The following KCNK9 variants were observed in gnomAD, a reference collection of about 807,000 sequenced individuals.
The protein encoded by KCNK9 is potassium channel subfamily K member 9.
A neutral mutation model predicts 10.8 loss-of-function variants in KCNK9; 1 was observed. The ratio of observed to expected loss-of-function variants is 0.09; its 90% CI spans 0.03 to 0.44. The LOEUF is 0.44. Among genes scored for constraint, KCNK9 ranks in the 20% least tolerant of loss-of-function variants. The pLI is 0.97. For missense variants in KCNK9, 303 were observed against 515.0 expected, an observed-to-expected ratio of 0.59 and a Z score of 3.98; for synonymous variants, 231 against 222.7, an observed-to-expected ratio of 1.04 and a Z score of -0.33.
Position 139,664,520 on chromosome 8 carries a change from C to T in KCNK9, c.283+38190G>A, listed in dbSNP as rs144009835. 8.6e-3 allele frequency among the ~76,000 whole-genome samples: 1,306 copies of T among 152,198 alleles called. 21 individuals carry two copies. The highest frequency in any genetic ancestry group is 0.029 in the African/African-American group (1,200 of 41,518). ...TAAATATGCTCCCCCAAACTCAAGC[C>T]CCCCAACAAACCTAGTTTCACCGAA... On this transcript the variant is annotated intron_variant, in intron 1 of 1. Transcript: ENST00000520439.
At chr8:139,652,541 C>T (rs1815898315) in intron 1 of KCNK9, among the ~76,000 whole-genome samples, 1 of 152,214 alleles carries the variant, frequency 6.6e-6, no homozygotes, top group African/African-American at 2.4e-5. Flanking sequence ...GAGGGGCCTT[C>T]CACCCATGCT....
At chr8:139,622,609 G>T (rs913077797) in intron 1 of KCNK9, among the ~76,000 whole-genome samples, 1 of 152,132 alleles carries the variant, frequency 6.6e-6, no homozygotes, top group Non-Finnish European at 1.5e-5. Context: ...ACCCCTCATT[G>T]CTTCCCCCCA....
chr8:139,609,733 A>C (rs750865213), downstream of KCNK9, among the ~76,000 whole-genome samples: 200 of 152,298 alleles, frequency 1.3e-3, 2 homozygotes, highest in Non-Finnish European at 1.6e-3. Context: ...AAGGATCCAT[A>C]TGTCATTAAA....
chr8:139,629,667 C>T lies in KCNK9; in HGVS notation c.284-10568G>A, dbSNP rs187941583. On this transcript the variant is annotated intron_variant, in intron 1 of 1. Coordinates refer to ENST00000520439, the MANE Select transcript of KCNK9 (RefSeq NM_001282534.2). ...CTCCACAGTTCTGGAGCCTAGAACT[C>T]CACAATGAAAGGGGGGGAAGATGCA... 3.0e-4 allele frequency among the ~76,000 whole-genome samples: 45 copies of T among 152,194 alleles called. 1 individual carries two copies. Among genetic ancestry groups the T allele is most frequent in the Middle Eastern group, 3.4e-3 (1 of 294 alleles).
chr8:139,659,875 T>G (rs117672215), intron 1 of KCNK9, among the ~76,000 whole-genome samples: 1 of 152,120 alleles, frequency 6.6e-6, no homozygotes, highest in East Asian at 1.9e-4. Context: ...TACTGCCTTT[T>G]GTGCAAGAAA....
Position 139,680,972 on chromosome 8 carries a change from C to G in KCNK9, c.283+21738G>C, listed in dbSNP as rs535638161. Among the ~76,000 whole-genome samples, 12 of 152,278 alleles carry G rather than the reference C, an allele frequency of 7.9e-5. No homozygotes were observed. In the South Asian group the frequency reaches 2.5e-3, roughly 32 times the overall value. On this transcript the variant is annotated intron_variant, in intron 1 of 1. Transcript: ENST00000520439. ...CTCCTCCCACAACTTAGAGCTCCAG[C>G]TTTGTAACCGTCTCCTCAAGCACAC... is the stretch of plus-strand genomic sequence containing the variant.
chr8:139,687,461 C>CATATATATGTATACAT (rs1380086135), intron 1 of KCNK9, among the ~76,000 whole-genome samples: 1 of 133,788 alleles, frequency 7.5e-6, no homozygotes, highest in Non-Finnish European at 1.6e-5. Flanking sequence ...CATATATATT[C>CATATATATGTATACAT]ATATATTCAT....
intron 1 of KCNK9, among the ~76,000 whole-genome samples, chr8:139,629,940 C>T (rs1169830895): frequency 3.3e-5 from 5 of 151,932 alleles, no homozygotes; most frequent in Admixed American, 2.6e-4. Context: ...CAGTTCAGTC[C>T]ATAACCCTGA....
chr8:139,671,544 T>C (rs1448691009), intron 1 of KCNK9, among the ~76,000 whole-genome samples: 1 of 147,416 alleles, frequency 6.8e-6, no homozygotes, highest in African/African-American at 2.5e-5. Flanking sequence ...GGAGTCTTGC[T>C]CCGTTGCCCA....
chr8:139,689,494 G>T (rs1299139339), intron 1 of KCNK9, among the ~76,000 whole-genome samples: 1 of 152,178 alleles, frequency 6.6e-6, no homozygotes, highest in African/African-American at 2.4e-5. Flanking sequence ...GCTCATTGTG[G>T]GCAGGATGTA....
At chr8:139,670,904 G>A (rs549215021) in intron 1 of KCNK9, among the ~76,000 whole-genome samples, 14 of 152,268 alleles carry the variant, frequency 9.2e-5, no homozygotes, top group South Asian at 8.3e-4. Context: ...TGACCACCCC[G>A]GAGACATTCT....
chr8:139,642,671 T>C (rs1815539619), intron 1 of KCNK9, among the ~76,000 whole-genome samples: 1 of 152,218 alleles, frequency 6.6e-6, no homozygotes, highest in Non-Finnish European at 1.5e-5. Flanking sequence ...CCACTGCAGC[T>C]TCTCCTGAGA....
intron 2 of KCNK9, among the ~76,000 whole-genome samples, chr8:139,602,371 T>C (rs1452219115): frequency 6.6e-6 from 1 of 152,192 alleles, no homozygotes; most frequent in Non-Finnish European, 1.5e-5. Context: ...AGTTCAAATT[T>C]TTCTTTAAGA....
At chr8:139,605,954 G>A (rs1817477709) in intron 2 of KCNK9, among the ~76,000 whole-genome samples, 2 of 152,296 alleles carry the variant, frequency 1.3e-5, no homozygotes, top group South Asian at 4.2e-4. Flanking sequence ...AAGGCCATTT[G>A]TGAAGGTGCC....
chr8:139,679,156 A>C (rs970936329), intron 1 of KCNK9, among the ~76,000 whole-genome samples: 1 of 152,192 alleles, frequency 6.6e-6, no homozygotes, highest in Non-Finnish European at 1.5e-5. Flanking sequence ...GGGCCCAGCT[A>C]AAAATACCAG....
chr8:139,623,051 G>A (rs1238510879), intron 1 of KCNK9, among the ~76,000 whole-genome samples: 1 of 152,214 alleles, frequency 6.6e-6, no homozygotes, highest in African/African-American at 2.4e-5. Context: ...GGCTGTGTAT[G>A]TGCCACACCT....
chr8:139,621,463 G>A (rs1318570341), intron 1 of KCNK9, among the ~76,000 whole-genome samples: 1 of 152,112 alleles, frequency 6.6e-6, no homozygotes, highest in African/African-American at 2.4e-5. Flanking sequence ...ACCACATACA[G>A]GGGAACAATA....
chr8:139,671,218 G>T (rs184778923), intron 1 of KCNK9, among the ~76,000 whole-genome samples: 6 of 152,372 alleles, frequency 3.9e-5, no homozygotes, highest in Admixed American at 3.9e-4. Flanking sequence ...CAGCCTGAAG[G>T]GCAGAGGGCT....
chr8:139,619,141 A>G (rs1276713632), intron 1 of KCNK9, 42 bp from the exon 2 acceptor site: 35 of 1,608,968 alleles, frequency 2.2e-5, no homozygotes, highest in Non-Finnish European at 2.8e-5. Context: ...GCAAGTGAGG[A>G]GGGGTCTAGA....
Sources: allele counts gnomAD v4.1 joint callset (sites outside exome capture counted in the v4.1 genomes callset), GRCh38; gene constraint gnomAD v4.1.1; transcripts MANE v1.5; gene names NCBI Gene and HGNC (gene_info 2026-07-23, HGNC 2026-07-21).